SGCZ: variants seen among roughly 807,000 people sequenced by gnomAD.
SGCZ encodes the protein zeta-sarcoglycan.
A neutral mutation model predicts 41.3 loss-of-function variants in SGCZ; 40 were observed. That is an observed-to-expected ratio of 0.97 (90% confidence interval 0.75 to 1.26). The LOEUF (loss-of-function observed/expected upper bound fraction) is 1.26. Among genes scored for constraint, SGCZ ranks in the 50% most tolerant of loss-of-function variants. The pLI, the probability that SGCZ is intolerant of heterozygous loss-of-function variation, is 0.00. For missense variants in SGCZ, 552 were observed against 369.8 expected, an observed-to-expected ratio of 1.49 and a Z score of -4.04; for synonymous variants, 206 against 137.5, an observed-to-expected ratio of 1.50 and a Z score of -3.49.
chr8:14,201,564 A>G (rs571373828), intron 4 of SGCZ, among the ~76,000 whole-genome samples: 1 of 152,306 alleles, frequency 6.6e-6, no homozygotes, highest in Non-Finnish European at 1.5e-5. Flanking sequence ...TATGTATTTC[A>G]GAACAGATTT....
intron 3 of SGCZ, among the ~76,000 whole-genome samples, chr8:14,293,878 C>G (rs1261040118): frequency 6.6e-6 from 1 of 151,746 alleles, no homozygotes; most frequent in Non-Finnish European, 1.5e-5. Context: ...CAGCTACATT[C>G]AGGAGCCAAA....
chr8:14,470,180 G>A (rs1248823684), intron 2 of SGCZ, among the ~76,000 whole-genome samples: 2 of 152,012 alleles, frequency 1.3e-5, no homozygotes, highest in Non-Finnish European at 2.9e-5. Flanking sequence ...CTTTATATGT[G>A]GGAAAAACTT....
At chr8:14,270,731 A>G (rs753101961) in intron 3 of SGCZ, among the ~76,000 whole-genome samples, 5 of 152,168 alleles carry the variant, frequency 3.3e-5, no homozygotes, top group Non-Finnish European at 1.5e-5. Context: ...TCTATACATC[A>G]TTTCTTATGA....
chr8:14,220,040 G>C (rs1264563676), intron 4 of SGCZ, among the ~76,000 whole-genome samples: 1 of 152,174 alleles, frequency 6.6e-6, no homozygotes, highest in Non-Finnish European at 1.5e-5. Context: ...CCTAGTTATA[G>C]TGACTTAACA....
intron 1 of SGCZ, among the ~76,000 whole-genome samples, chr8:15,111,639 C>T (rs1329562294): frequency 2.6e-5 from 4 of 152,128 alleles, no homozygotes; most frequent in African/African-American, 7.2e-5. Context: ...TGGTGGTTCA[C>T]GCCTGTAATC....
chr8:15,092,962 T>C (rs915682603), intron 1 of SGCZ, among the ~76,000 whole-genome samples: 26 of 152,224 alleles, frequency 1.7e-4, no homozygotes, highest in African/African-American at 6.0e-4. Flanking sequence ...GGAAATTGTT[T>C]GCAGATCGCT....
chr8:14,688,158 G>T (rs1390072857), intron 1 of SGCZ, among the ~76,000 whole-genome samples: 2 of 152,094 alleles, frequency 1.3e-5, no homozygotes, highest in African/African-American at 2.4e-5. Context: ...TGTTCACTCT[G>T]ATGGTAGTTT....
chr8:14,598,257 T>C (rs1805477268), intron 1 of SGCZ, among the ~76,000 whole-genome samples: 1 of 145,118 alleles, frequency 6.9e-6, no homozygotes, highest in Admixed American at 6.7e-5. Flanking sequence ...CATGGCCTCT[T>C]TGAGTATCTC....
At chr8:14,315,424 C>T (rs1433970204) in intron 3 of SGCZ, among the ~76,000 whole-genome samples, 2 of 151,948 alleles carry the variant, frequency 1.3e-5, no homozygotes, top group African/African-American at 4.8e-5. Context: ...AAATAGCAAA[C>T]TAAAAAGTTA....
At chr8:14,334,154 G>C (rs1483513853) in intron 2 of SGCZ, among the ~76,000 whole-genome samples, 1 of 151,968 alleles carries the variant, frequency 6.6e-6, no homozygotes, top group East Asian at 1.9e-4. Flanking sequence ...CTTAAGTTAA[G>C]GATAAGACTA....
intron 1 of SGCZ, among the ~76,000 whole-genome samples, chr8:14,943,291 A>C (rs6994172): frequency 0.02 from 2,981 of 152,296 alleles, 89 homozygotes; most frequent in African/African-American, 0.067. Context: ...TAATTATTTT[A>C]TCCTTCTACC....
intron 1 of SGCZ, among the ~76,000 whole-genome samples, chr8:14,583,013 G>C (rs1804943101): frequency 6.6e-6 from 1 of 151,208 alleles, no homozygotes; most frequent in South Asian, 2.1e-4. Context: ...TAGTCCTTTG[G>C]GTATATACCC....
At chr8:14,723,580 C>G (rs1585210341) in intron 1 of SGCZ, among the ~76,000 whole-genome samples, 1 of 152,194 alleles carries the variant, frequency 6.6e-6, no homozygotes, top group African/African-American at 2.4e-5. Context: ...TTGAGAGGCT[C>G]TGACCCCAGC....
intron 1 of SGCZ, among the ~76,000 whole-genome samples, chr8:14,845,898 T>A (rs1344370385): frequency 1.3e-5 from 2 of 152,096 alleles, no homozygotes; most frequent in African/African-American, 4.8e-5. Context: ...AATGGCTACA[T>A]TAATATCAGA....
chr8:14,340,936 C>T lies in SGCZ; in HGVS notation c.235-16732G>A, dbSNP rs573787145. On this transcript the variant is annotated intron_variant, in intron 2 of 7. Transcript: ENST00000382080. ...AGACATTATACCCATTAAACAACAA[C>T]TCCTGAATCCCCTCTCCCCCAGCCC... Among the ~76,000 whole-genome samples the T allele has an allele frequency of 1.6e-3, 244 of 152,186 alleles. 2 individuals are homozygous for T. Among genetic ancestry groups the T allele is most frequent in the African/African-American group, 5.2e-3 (216 of 41,532 alleles).
chr8:14,769,722 G>A (rs113552728), intron 1 of SGCZ, among the ~76,000 whole-genome samples: 9,422 of 149,060 alleles, frequency 0.063, 641 homozygotes, highest in African/African-American at 0.17. Flanking sequence ...TTAAACCTGG[G>A]AGGCAGAGGT....
At chr8:14,553,617 C>T (rs1803939426) in intron 2 of SGCZ, among the ~76,000 whole-genome samples, 1 of 151,970 alleles carries the variant, frequency 6.6e-6, no homozygotes, top group African/African-American at 2.4e-5. Context: ...GCCACCTGCC[C>T]GCACAGGCTC....
intron 4 of SGCZ, among the ~76,000 whole-genome samples, chr8:14,190,454 C>T (rs1805062790): frequency 6.6e-6 from 1 of 151,872 alleles, no homozygotes; most frequent in South Asian, 2.1e-4. Flanking sequence ...TCAACAGACA[C>T]TTCCAATGTT....
At chr8:15,110,905 T>A (rs1807023999) in intron 1 of SGCZ, among the ~76,000 whole-genome samples, 1 of 151,944 alleles carries the variant, frequency 6.6e-6, no homozygotes. Flanking sequence ...AAGGCACAGG[T>A]TGCAGTGAGC....
Sources: gnomAD v4.1 joint callset for allele counts (sites outside exome capture counted in the v4.1 genomes callset) on GRCh38, gnomAD v4.1.1 for gene constraint, MANE v1.5 for transcripts, NCBI Gene and HGNC (gene_info 2026-07-23, HGNC 2026-07-21) for gene names.